Variants in MYO16 observed in about 807,000 individuals in gnomAD.
MYO16 encodes unconventional myosin-XVI.
A neutral mutation model predicts 205.3 loss-of-function variants in MYO16; 94 were observed. The ratio of observed to expected loss-of-function variants is 0.46; its 90% CI spans 0.39 to 0.54. The LOEUF (loss-of-function observed/expected upper bound fraction) is 0.54, where lower values mean the gene tolerates loss of function less well. MYO16 is among the 20% of genes least tolerant of loss of function. The pLI, the probability that MYO16 is intolerant of heterozygous loss-of-function variation, is 0.00. For synonymous variants in MYO16, 988 were observed against 954.0 expected (o/e 1.04, Z -0.66); for missense variants, 2,315 against 2,387.5 (o/e 0.97, Z 0.63).
chr13:108,678,895 G>A (rs1158738714), intron 2 of MYO16, among the ~76,000 whole-genome samples: 4 of 152,216 alleles, frequency 2.6e-5, no homozygotes, highest in Middle Eastern at 3.4e-3. Flanking sequence ...GTCCAAGGTC[G>A]GGGGTCTGGC....
intron 1 of MYO16, among the ~76,000 whole-genome samples, chr13:108,598,426 T>C (rs959754524): frequency 2.6e-5 from 4 of 152,228 alleles, no homozygotes; most frequent in African/African-American, 9.6e-5. Context: ...TATTTCCATA[T>C]TTTTAAGAAT....
chr13:108,968,170 G>A (rs1042832679), intron 20 of MYO16, among the ~76,000 whole-genome samples: 6 of 152,100 alleles, frequency 3.9e-5, no homozygotes, highest in South Asian at 4.1e-4. Flanking sequence ...TCTCCTCACC[G>A]TGTCTTCACC....
intron 32 of MYO16, among the ~76,000 whole-genome samples, chr13:109,147,837 AT>A (rs1877422393): frequency 2.0e-5 from 3 of 152,176 alleles, no homozygotes; most frequent in African/African-American, 7.2e-5. Flanking sequence ...TCAATGCATA[AT>A]TTTCCTCATT....
chr13:108,586,137 A>C, the MYO16 span, among the ~76,000 whole-genome samples: 1 of 152,130 alleles, frequency 6.6e-6, no homozygotes, highest in Non-Finnish European at 1.5e-5. Context: ...TGTAATTTAC[A>C]CATAACACAC....
At chr13:108,647,565 C>A (rs1256723850) in intron 1 of MYO16, among the ~76,000 whole-genome samples, 2 of 152,036 alleles carry the variant, frequency 1.3e-5, no homozygotes, top group Non-Finnish European at 2.9e-5. Context: ...TAACTTCTGC[C>A]TTTTTTCCAT....
At chr13:109,083,429 G>A (rs763979969) in intron 27 of MYO16, among the ~76,000 whole-genome samples, 2 of 130,698 alleles carry the variant, frequency 1.5e-5, no homozygotes, top group Non-Finnish European at 3.2e-5. Context: ...AGCTTCTGCA[G>A]TAGAGACGAT....
intron 2 of MYO16, among the ~76,000 whole-genome samples, chr13:108,696,426 A>T (rs778194168): frequency 5.3e-5 from 8 of 152,218 alleles, no homozygotes; most frequent in Non-Finnish European, 1.0e-4. Context: ...AACCATTGCT[A>T]CACAGAACAA....
At chr13:108,832,599 C>T (rs997411795) in intron 9 of MYO16, among the ~76,000 whole-genome samples, 5 of 152,042 alleles carry the variant, frequency 3.3e-5, no homozygotes, top group African/African-American at 1.2e-4. Context: ...TAAAATGTCC[C>T]AGTTGGCACC....
intron 21 of MYO16, 85 bp from the exon 22 acceptor site, chr13:109,008,812 T>C (rs1451274743): frequency 1.4e-6 from 1 of 707,718 alleles, no homozygotes; most frequent in African/African-American, 1.8e-5. Flanking sequence ...CTGTACTATC[T>C]TGTGTATGCA....
At chr13:108,813,515 T>G (rs188763932) in intron 7 of MYO16, among the ~76,000 whole-genome samples, 1 of 152,152 alleles carries the variant, frequency 6.6e-6, no homozygotes, top group Non-Finnish European at 1.5e-5. Context: ...ATATTTTAAC[T>G]TTTTAAAGAG....
intron 32 of MYO16, among the ~76,000 whole-genome samples, chr13:109,146,180 A>T (rs1487734788): frequency 1.3e-5 from 2 of 152,236 alleles, no homozygotes; most frequent in Non-Finnish European, 2.9e-5. Context: ...CTTAATAAGG[A>T]TCACATAAGC....
intron 14 of MYO16, among the ~76,000 whole-genome samples, chr13:108,891,765 A>G (rs1468123568): frequency 1.3e-5 from 2 of 152,240 alleles, no homozygotes; most frequent in Non-Finnish European, 2.9e-5. Flanking sequence ...TATTCATGCA[A>G]GACAGCTGCA....
chr13:108,698,214 T>C (rs952402903), intron 2 of MYO16, among the ~76,000 whole-genome samples: 4 of 152,158 alleles, frequency 2.6e-5, no homozygotes, highest in African/African-American at 7.2e-5. Context: ...GATGTCCAGG[T>C]CCACTCAGTG....
intron 17 of MYO16, among the ~76,000 whole-genome samples, chr13:108,959,733 CG>C (rs1410087569): frequency 6.6e-6 from 1 of 152,128 alleles, no homozygotes; most frequent in Non-Finnish European, 1.5e-5. Context: ...CCCGTCTAGC[CG>C]GGCGGCAGGG....
At chr13:108,689,201 A>G (rs1172490952) in intron 2 of MYO16, among the ~76,000 whole-genome samples, 1 of 152,204 alleles carries the variant, frequency 6.6e-6, no homozygotes, top group African/African-American at 2.4e-5. Context: ...TTCGTAGTTC[A>G]AATGCATTTC....
intron 5 of MYO16, among the ~76,000 whole-genome samples, chr13:108,790,504 C>CAAAACAAAA (rs1352368358): frequency 6.6e-6 from 1 of 151,940 alleles, no homozygotes; most frequent in Non-Finnish European, 1.5e-5. Context: ...AAAAACAATA[C>CAAAACAAAA]GAAAATCTAT....
chr13:108,878,188 G>T (rs984330950), intron 12 of MYO16, among the ~76,000 whole-genome samples: 1 of 152,134 alleles, frequency 6.6e-6, no homozygotes, highest in African/African-American at 2.4e-5. Flanking sequence ...CTCAAGCCTG[G>T]TAACCCACAG....
At chr13:108,724,915 A>G (rs888785342) in intron 3 of MYO16, among the ~76,000 whole-genome samples, 1 of 148,634 alleles carries the variant, frequency 6.7e-6, no homozygotes, top group Non-Finnish European at 1.5e-5. Flanking sequence ...ACTCACAGTC[A>G]CAATTCTCAG....
chr13:108,634,161 G>A lies in MYO16; in HGVS notation c.28+4289G>A, dbSNP rs758133288. Among the ~76,000 whole-genome samples the A allele has an allele frequency of 7.2e-5, 11 of 152,070 alleles. 1 individual carries two copies. The highest frequency in any genetic ancestry group is 3.9e-4 in the Admixed American group (6 of 15,262). On this transcript the variant is annotated intron_variant, in intron 1 of 34. Transcript: ENST00000457511. ...GCAGGCAGCACTCTCCTGTACCCTCGTCTTGTTTCTACGGTAGGCACGACT... is the reference window on the plus strand; with the variant it reads ...GCAGGCAGCACTCTCCTGTACCCTCATCTTGTTTCTACGGTAGGCACGACT...
Sources: allele counts gnomAD v4.1 joint callset (sites outside exome capture counted in the v4.1 genomes callset), GRCh38; gene constraint gnomAD v4.1.1; transcripts MANE v1.5; gene names NCBI Gene and HGNC (gene_info 2026-07-23, HGNC 2026-07-21).